The following CCDC62 variants were observed in gnomAD, a reference collection of about 807,000 sequenced individuals.
CCDC62 encodes the protein coiled-coil domain-containing protein 62.
CCDC62 carries 72 observed loss-of-function variants against 80.8 expected under a neutral mutation model. That is an observed-to-expected ratio of 0.89 (90% CI 0.74 to 1.08). The LOEUF is 1.08. Among genes scored for constraint, CCDC62 ranks in the 50% least tolerant of loss-of-function variants. The probability of loss-of-function intolerance (pLI) is 0.00; values close to 1 mark genes in which losing one functional copy is unlikely to be tolerated. For missense variants in CCDC62, 704 were observed against 809.4 expected, an observed-to-expected ratio of 0.87 and a Z score of 1.58; for synonymous variants, 286 against 296.5, an observed-to-expected ratio of 0.96 and a Z score of 0.36.
intron 2 of CCDC62, among the ~76,000 whole-genome samples, chr12:122,779,805 G>A (rs1879712791): frequency 6.7e-6 from 1 of 150,252 alleles, no homozygotes; most frequent in South Asian, 2.1e-4. Flanking sequence ...CTACTTGGGA[G>A]GCTAAGGCAG....
In CCDC62 at chr12:122,799,628, A is replaced by G. The variant is rs149763641; in HGVS notation, c.977+1428A>G. 3.9e-3 allele frequency among the ~76,000 whole-genome samples: 598 copies of G among 152,348 alleles called. 8 individuals are homozygous for G. The highest frequency in any genetic ancestry group is 0.013 in the African/African-American group (540 of 41,590). On this transcript the variant is annotated intron_variant, in intron 8 of 12. Coordinates refer to ENST00000253079, the MANE Select transcript of CCDC62 (RefSeq NM_201435.5). ...AGGCATATAACTGTACCACAGCTCA[A>G]CTTAGTCTACTTTTCTAAGCCAAAA... is the stretch of plus-strand genomic sequence containing the variant.
chr12:122,794,796 A>G (rs932344560), intron 6 of CCDC62, among the ~76,000 whole-genome samples: 8 of 151,970 alleles, frequency 5.3e-5, no homozygotes, highest in Non-Finnish European at 1.0e-4. Flanking sequence ...TGCTGGGACT[A>G]CAGGCATGTG....
At position 122,826,387 on chromosome 12, in the gene CCDC62, T is replaced by G. The variant is rs780082050; in HGVS notation, c.*41-35T>G. The G allele has an allele frequency of 2.4e-5, 19 of 777,992 alleles. No homozygotes were observed. In the South Asian group the frequency reaches 2.6e-4, roughly 11 times the overall value. 48.2% of individuals were successfully genotyped at this position (777,992 alleles called of 1,614,324 possible). A position where few individuals can be genotyped will look rare whatever the true frequency, so the allele number is the denominator to read the frequency against. On this transcript the variant is annotated intron_variant, in intron 12 of 12. Transcript: ENST00000253079. ...GCTCTCCAATATTAATTGATTGTAT[T>G]TTATTAATGTTGTGTTTTCTTCATC...
Position 122,821,423 on chromosome 12 carries a change from T to C in CCDC62, c.2002-1943T>C, listed in dbSNP as rs368657132. Among the ~76,000 whole-genome samples, 58 of 152,294 alleles carry C rather than the reference T, an allele frequency of 3.8e-4. 1 individual carries two copies. The South Asian group carries it at 9.5e-3, about 25-fold the overall frequency. On this transcript the variant is annotated intron_variant, in intron 11 of 12. Coordinates refer to ENST00000253079, the MANE Select transcript of CCDC62 (RefSeq NM_201435.5). ...TGGCAATTGTATGCAGTCACTTCAT[T>C]ATATTTTATTCATTCCCTAAGGTCT...
At chr12:122,792,881 T>G (rs1475481063) in intron 6 of CCDC62, among the ~76,000 whole-genome samples, 1 of 152,170 alleles carries the variant, frequency 6.6e-6, no homozygotes, top group Non-Finnish European at 1.5e-5. Flanking sequence ...GTGTTAATGC[T>G]GCCATCCCGT....
chr12:122,797,858 T>C lies in CCDC62; in HGVS notation c.862-227T>C, dbSNP rs115199154. Among the ~76,000 whole-genome samples the C allele has an allele frequency of 3.4e-3, 523 of 152,272 alleles. 2 individuals are homozygous for C. The highest frequency in any genetic ancestry group is 0.012 in the African/African-American group (493 of 41,564). On this transcript the variant is annotated intron_variant, in intron 7 of 12. Coordinates refer to ENST00000253079, the MANE Select transcript of CCDC62 (RefSeq NM_201435.5). ...CCCAGCCTGTATATCATGTTTAGTA[T>C]AGCAAATAGGTCTTGCTTGTGGTGA... is the stretch of plus-strand genomic sequence containing the variant.
rs769112424 is a variant in CCDC62, at chr12:122,801,866, A to G, written c.1706+14A>G. ...CTCCCCGGCAAGGTGAGTAACGTTCACATCTGTAAACACCCACGGAGCATG... is the reference window on the plus strand; with the variant it reads ...CTCCCCGGCAAGGTGAGTAACGTTCGCATCTGTAAACACCCACGGAGCATG... On this transcript the variant is annotated intron_variant, in intron 9 of 12. Transcript: ENST00000253079. 6.2e-7 allele frequency: 1 copy of G among 1,608,758 alleles called. No individual in the cohort carries two copies. The highest frequency in any genetic ancestry group is 8.5e-7 in the Non-Finnish European group (1 of 1,177,798).
In CCDC62 at chr12:122,806,252, C is replaced by T. The variant is rs761755699; in HGVS notation, c.1808C>T (p.Thr603Met). 13 of 1,613,266 alleles carry T rather than the reference C, an allele frequency of 8.1e-6. No individual in the cohort carries two copies. Among genetic ancestry groups the T allele is most frequent in the South Asian group, 4.4e-5 (4 of 90,986 alleles). Residue 603 changes from threonine to methionine, a missense_variant, in exon 10 of 13, where the codon ACG becomes ATG. Transcript: ENST00000253079. ...ESSSNKKNSP[T>M]SLLIYKDAPA... ...TCTTCCAATAAAAAGAACTCACCTA[C>T]GAGTTTGTTAATCTACAAAGATGCA...
chr12:122,823,284 T>C (rs1489302004), intron 11 of CCDC62, 82 bp from the exon 12 acceptor site: 5 of 1,023,924 alleles, frequency 4.9e-6, no homozygotes, highest in African/African-American at 4.8e-5. Context: ...CTTAAAGGCA[T>C]TTCTGCTATA....
chr12:122,826,394 A>G, intron 12 of CCDC62, 28 bp from the exon 13 acceptor site: 1 of 779,000 alleles, frequency 1.3e-6, no homozygotes, highest in Non-Finnish European at 2.4e-6. Flanking sequence ...TATTTTATTA[A>G]TGTTGTGTTT....
At chr12:122,775,567 A>G (rs1879392840) in intron 1 of CCDC62, among the ~76,000 whole-genome samples, 1 of 152,168 alleles carries the variant, frequency 6.6e-6, no homozygotes. Context: ...TTGACTCCAA[A>G]TTCCATTTTC....
At chr12:122,803,078 C>T (rs777783217) in intron 9 of CCDC62, among the ~76,000 whole-genome samples, 5 of 151,974 alleles carry the variant, frequency 3.3e-5, no homozygotes, top group African/African-American at 4.8e-5. Context: ...TGAGGTGACA[C>T]GATATTGCCC....
At chr12:122,788,676 A>G (rs2030414713) in intron 4 of CCDC62, 82 bp from the exon 5 acceptor site, 1 of 870,608 alleles carries the variant, frequency 1.1e-6, no homozygotes, top group Admixed American at 2.6e-5. Context: ...CTGGCACACG[A>G]TAAGATCTTA....
intron 11 of CCDC62, among the ~76,000 whole-genome samples, chr12:122,817,125 C>T (rs1395677241): frequency 6.6e-6 from 1 of 151,766 alleles, no homozygotes; most frequent in African/African-American, 2.4e-5. Context: ...GATCTTGGCT[C>T]ACTGCAAGCT....
At chr12:122,802,234 G>C (rs563485914) in intron 9 of CCDC62, among the ~76,000 whole-genome samples, 12 of 152,158 alleles carry the variant, frequency 7.9e-5, no homozygotes, top group African/African-American at 2.9e-4. Context: ...GAACTGACAC[G>C]CTGACCATTT....
intron 4 of CCDC62, among the ~76,000 whole-genome samples, chr12:122,787,177 G>A (rs975085272): frequency 6.6e-6 from 1 of 152,168 alleles, no homozygotes; most frequent in Non-Finnish European, 1.5e-5. Flanking sequence ...GCCGGGTGCC[G>A]TGGCTCATGC....
At chr12:122,816,124 C>T (rs781222427) in intron 11 of CCDC62, among the ~76,000 whole-genome samples, 9 of 152,186 alleles carry the variant, frequency 5.9e-5, no homozygotes, top group Non-Finnish European at 1.2e-4. Flanking sequence ...TAAAGCAGAA[C>T]AGGATCCAAA....
At chr12:122,781,530 A>G (rs1879862592) in intron 3 of CCDC62, among the ~76,000 whole-genome samples, 200 bp downstream of exon 3, 1 of 152,010 alleles carries the variant, frequency 6.6e-6, no homozygotes, top group Non-Finnish European at 1.5e-5. Flanking sequence ...TACTAAAAAT[A>G]CAAAATTAGC....
At chr12:122,795,089 C>T (rs971421863) in intron 6 of CCDC62, among the ~76,000 whole-genome samples, 7 of 151,914 alleles carry the variant, frequency 4.6e-5, no homozygotes, top group African/African-American at 1.4e-4. Context: ...CTTGGTCTGT[C>T]GCCTAGGCTG....
Sources: gnomAD v4.1 joint callset for allele counts (sites outside exome capture counted in the v4.1 genomes callset) on GRCh38, gnomAD v4.1.1 for gene constraint, MANE v1.5 for transcripts, NCBI Gene and HGNC (gene_info 2026-07-23, HGNC 2026-07-21) for gene names.